YES1: variants seen among roughly 807,000 people sequenced by gnomAD.
YES1 encodes tyrosine-protein kinase Yes.
In YES1, 39 loss-of-function variants were observed where a neutral mutation model predicts 70.4. That is an observed-to-expected ratio of 0.55 (90% CI 0.43 to 0.72). The LOEUF (loss-of-function observed/expected upper bound fraction) is 0.72, where lower values mean the gene tolerates loss of function less well. Ranked by LOEUF, YES1 falls within the 30% of genes least tolerant of loss-of-function variation. The pLI, the probability that YES1 is intolerant of heterozygous loss-of-function variation, is 0.00. For synonymous variants in YES1, 198 were observed against 218.6 expected, an observed-to-expected ratio of 0.91 and a Z score of 0.83; for missense variants, 495 against 644.8, an observed-to-expected ratio of 0.77 and a Z score of 2.52.
intron 1 of YES1, among the ~76,000 whole-genome samples, chr18:790,020 T>C (rs1171051589): frequency 6.6e-6 from 1 of 151,850 alleles, no homozygotes; most frequent in East Asian, 1.9e-4. Context: ...ATTGTGCCAT[T>C]GCACCAGGCT....
At chr18:731,966 CAAAAAAA>C (rs1165333694) in intron 11 of YES1, among the ~76,000 whole-genome samples, 12 of 79,968 alleles carry the variant, frequency 1.5e-4, no homozygotes, top group South Asian at 5.0e-4. Flanking sequence ...GACTCCATTT[CAAAAAAA>C]AAAAAAAAAA....
At chr18:760,149 G>C (rs1904512125) in intron 1 of YES1, among the ~76,000 whole-genome samples, 1 of 151,964 alleles carries the variant, frequency 6.6e-6, no homozygotes, top group Non-Finnish European at 1.5e-5. Context: ...TTGTTATTGT[G>C]AATAGTGCAA....
chr18:775,417 C>G (rs1308608359), intron 1 of YES1, among the ~76,000 whole-genome samples: 1 of 152,172 alleles, frequency 6.6e-6, no homozygotes. Flanking sequence ...CCATCTCATG[C>G]TATTAACCCT....
chr18:756,845 C>A lies in YES1; in HGVS notation c.-8-10G>T, dbSNP rs1475143757. The A allele has an allele frequency of 1.7e-5, 28 of 1,603,228 alleles. No individual in the cohort carries two copies. The highest frequency in any genetic ancestry group is 2.4e-5 in the Non-Finnish European group (28 of 1,174,258). The stretch of plus-strand genomic sequence containing the variant: ...CAGCCCATTATCAAATCTACAGAGA[C>A]AATAAAATATTTTGAGAGTCAGTTA... On this transcript the variant is annotated splice_polypyrimidine_tract_variant and intron_variant, in intron 1 of 11. Coordinates refer to ENST00000314574, the MANE Select transcript of YES1 (RefSeq NM_005433.4).
chr18:806,540 G>T (rs1025857521), intron 1 of YES1, among the ~76,000 whole-genome samples: 4 of 152,170 alleles, frequency 2.6e-5, no homozygotes, highest in Admixed American at 6.6e-5. Context: ...ATATAAATCT[G>T]CCCAGAACCA....
At chr18:775,331 A>C (rs1353713845) in intron 1 of YES1, 1 of 152,262 alleles carries the variant, frequency 6.6e-6, no homozygotes, top group African/African-American at 2.4e-5. Context: ...TAAATGTACA[A>C]GTGAATGAAT....
At chr18:755,647 C>T (rs1271255841) in intron 2 of YES1, among the ~76,000 whole-genome samples, 1 of 152,118 alleles carries the variant, frequency 6.6e-6, no homozygotes, top group African/African-American at 2.4e-5. Context: ...CACCCACTGG[C>T]TGTTAATGAG....
Position 725,969 on chromosome 18 carries a change from G to A in YES1, c.1424-1337C>T, listed in dbSNP as rs952105751. Among the ~76,000 whole-genome samples the A allele has an allele frequency of 7.9e-5, 12 of 152,224 alleles. 1 individual carries two copies. The highest frequency in any genetic ancestry group is 2.0e-4 in the Admixed American group (3 of 15,292). On this transcript the variant is annotated intron_variant, in intron 11 of 11. Coordinates refer to ENST00000314574, the MANE Select transcript of YES1 (RefSeq NM_005433.4). ...GTTGGGTGAAGGAGAAAAGGAGTAA[G>A]GGAATTAATATTCAGTGAGGGCTTA...
intron 1 of YES1, among the ~76,000 whole-genome samples, chr18:778,776 G>A (rs1905509662): frequency 6.6e-6 from 1 of 152,032 alleles, no homozygotes; most frequent in Non-Finnish European, 1.5e-5. Context: ...TAAGCATAAA[G>A]CACAAAGGAT....
At chr18:800,632 T>C (rs995703489) in intron 1 of YES1, among the ~76,000 whole-genome samples, 5 of 152,322 alleles carry the variant, frequency 3.3e-5, no homozygotes, top group Admixed American at 3.3e-4. Flanking sequence ...AAAAGGCTAC[T>C]AAGATGGTGA....
chr18:792,548 T>TCG (rs1906308829), intron 1 of YES1, among the ~76,000 whole-genome samples: 1 of 106,286 alleles, frequency 9.4e-6, no homozygotes, highest in African/African-American at 3.6e-5. Flanking sequence ...TCTCTCTCTC[T>TCG]CTCTCTCCCT....
intron 1 of YES1, among the ~76,000 whole-genome samples, chr18:765,222 T>C (rs1318289317): frequency 2.3e-5 from 3 of 130,186 alleles, no homozygotes; most frequent in African/African-American, 8.5e-5. Context: ...TTCAAGACAC[T>C]GGACAGGTTT....
intron 9 of YES1, 45 bp from the exon 10 acceptor site, chr18:737,006 G>A: frequency 6.7e-7 from 1 of 1,498,146 alleles, no homozygotes; most frequent in East Asian, 2.3e-5. Context: ...CGATACAAAG[G>A]GAAGCAGAGA....
chr18:797,079 T>C (rs1368680096), intron 1 of YES1, among the ~76,000 whole-genome samples: 2 of 152,132 alleles, frequency 1.3e-5, no homozygotes, highest in African/African-American at 2.4e-5. Context: ...AGGAACATTA[T>C]GCACAGACAT....
chr18:721,606 GAATTT>G lies in YES1; in HGVS notation c.*2813_*2817del, dbSNP rs1157606759. ...CAAAGAATGAGTTCAATAATGTTCT[GAATTT>G]AATAAAGGATTGATTAAATTCTGCT... On this transcript the variant is annotated 3_prime_UTR_variant, in exon 12 of 12. Coordinates refer to ENST00000314574, the MANE Select transcript of YES1 (RefSeq NM_005433.4). 1 of 151,632 alleles carries G rather than the reference GAATTT, an allele frequency of 6.6e-6. No homozygotes were observed. The highest frequency in any genetic ancestry group is 6.6e-5 in the Admixed American group (1 of 15,226). 9.4% of individuals were successfully genotyped at this position (151,632 alleles called of 1,614,324 possible). A position where few individuals can be genotyped will look rare whatever the true frequency, so the allele number is the denominator to read the frequency against.
chr18:775,408 C>G (rs1272671791), intron 1 of YES1: 6 of 152,274 alleles, frequency 3.9e-5, no homozygotes, highest in African/African-American at 9.7e-5. Context: ...CCAAGAAGCC[C>G]ATCTCATGCT....
chr18:767,976 C>T (rs1344185376), intron 1 of YES1, among the ~76,000 whole-genome samples: 5 of 152,202 alleles, frequency 3.3e-5, no homozygotes, highest in African/African-American at 1.2e-4. Context: ...GATGGAATTA[C>T]AGGCATGAGC....
At chr18:750,953 G>A (rs1372126432) in intron 3 of YES1, among the ~76,000 whole-genome samples, 2 of 152,146 alleles carry the variant, frequency 1.3e-5, no homozygotes, top group Non-Finnish European at 2.9e-5. Context: ...TAGAAGAGGG[G>A]AGAAGCACAT....
chr18:800,630 AC>A (rs1374275187), intron 1 of YES1, among the ~76,000 whole-genome samples: 2 of 152,248 alleles, frequency 1.3e-5, no homozygotes, highest in East Asian at 3.8e-4. Flanking sequence ...AGAAAAGGCT[AC>A]TAAGATGGTG....
Sources: allele counts gnomAD v4.1 joint callset (sites outside exome capture counted in the v4.1 genomes callset), GRCh38; gene constraint gnomAD v4.1.1; transcripts MANE v1.5; gene names NCBI Gene and HGNC (gene_info 2026-07-23, HGNC 2026-07-21).